TMTC1: variants seen among roughly 807,000 people sequenced by gnomAD.
TMTC1 encodes transmembrane O-mannosyltransferase targeting cadherins 1.
TMTC1 carries 73 observed loss-of-function variants against 104.8 expected under a neutral mutation model. The observed-to-expected ratio is 0.70, with a 90% CI of 0.58 to 0.85. The LOEUF (loss-of-function observed/expected upper bound fraction) is 0.85, where lower values mean the gene tolerates loss of function less well. Among genes scored for constraint, TMTC1 ranks in the 40% least tolerant of loss-of-function variants. The probability of loss-of-function intolerance (pLI) is 0.00; values close to 1 mark genes in which losing one functional copy is unlikely to be tolerated. For missense variants in TMTC1, 1,035 were observed against 1,096.1 expected (o/e 0.94, Z 0.79); for synonymous variants, 434 against 428.7 (o/e 1.01, Z -0.15).
chr12:29,598,056 A>G (rs1946460564), intron 7 of TMTC1, among the ~76,000 whole-genome samples: 1 of 152,228 alleles, frequency 6.6e-6, no homozygotes, highest in Non-Finnish European at 1.5e-5. Context: ...TTCTGGTTTT[A>G]CAAACAGAGA....
chr12:29,526,017 C>T (rs183429874), intron 11 of TMTC1, among the ~76,000 whole-genome samples: 51 of 152,232 alleles, frequency 3.4e-4, no homozygotes, highest in Non-Finnish European at 1.2e-4. Context: ...AGAAAATACG[C>T]ATTAAAAATG....
At chr12:29,548,254 A>G (rs1220526794) in intron 10 of TMTC1, among the ~76,000 whole-genome samples, 2 of 152,234 alleles carry the variant, frequency 1.3e-5, no homozygotes, top group Non-Finnish European at 2.9e-5. Context: ...ACTAATGGCT[A>G]AAACACAGCA....
chr12:29,784,364 G>A (rs1218704048), upstream of TMTC1: 1 of 152,262 alleles, frequency 6.6e-6, no homozygotes. Context: ...TTCAGCACCC[G>A]GGACAACAGC....
In TMTC1 at chr12:29,783,687, C is replaced by A. The variant is rs753673965; in HGVS notation, c.65G>T (p.Cys22Phe). ...GDRTPSRRRG[C>F]GLAPAGAAAL... ...CGCGGCCCCGGCCGGCGCTAGCCCG[C>A]AGCCCCGCCGCCGGGAGGGTGTGCG... is the stretch of plus-strand genomic sequence containing the variant. The change falls in exon 1 of 18, where the codon TGC (cysteine) becomes TTC (phenylalanine). Residue 22 changes from cysteine (C) to phenylalanine (F), a missense_variant. Physicochemically the swap from Cys to Phe is radical, Grantham distance 205. Transcript: ENST00000539277. This position sits in a 1 kb window ranked among gnomAD's most constrained non-coding sequence, Gnocchi z 4.7. 7.8e-7 allele frequency: 1 copy of A among 1,275,490 alleles called. No individual in the cohort carries two copies. The highest frequency in any genetic ancestry group is 2.9e-5 in the South Asian group (1 of 34,056). 79.0% of individuals were successfully genotyped at this position (1,275,490 alleles called of 1,614,324 possible). A position where few individuals can be genotyped will look rare whatever the true frequency, so the allele number is the denominator to read the frequency against.
intron 10 of TMTC1, among the ~76,000 whole-genome samples, chr12:29,554,927 T>C (rs1945198986): frequency 6.6e-6 from 1 of 152,146 alleles, no homozygotes; most frequent in Non-Finnish European, 1.5e-5. Context: ...TCCTCAGTCT[T>C]TCAGAGGCTC....
At chr12:29,603,069 T>C (rs1246995070) in intron 7 of TMTC1, among the ~76,000 whole-genome samples, 1 of 152,160 alleles carries the variant, frequency 6.6e-6, no homozygotes, top group Non-Finnish European at 1.5e-5. Context: ...ACGTAGAATA[T>C]AAAGAATTGT....
chr12:29,762,513 T>A (rs1943375414), intron 2 of TMTC1, among the ~76,000 whole-genome samples: 1 of 152,202 alleles, frequency 6.6e-6, no homozygotes, highest in African/African-American at 2.4e-5. Flanking sequence ...TATTAGATAA[T>A]CTAATGTATC....
At chr12:29,514,378 A>G (rs1943924099) in intron 16 of TMTC1, 104 bp downstream of exon 16, 2 of 1,237,508 alleles carry the variant, frequency 1.6e-6, no homozygotes, top group Non-Finnish European at 1.1e-6. Context: ...ATAAACATAC[A>G]TGCCAGTGAT....
At chr12:29,725,239 C>T (rs1315190465) in intron 5 of TMTC1, among the ~76,000 whole-genome samples, 1 of 151,584 alleles carries the variant, frequency 6.6e-6, no homozygotes, top group Non-Finnish European at 1.5e-5. Flanking sequence ...GTTGGCCAGG[C>T]TGGTCTCGAA....
At chr12:29,703,594 A>G (rs747000751) in intron 5 of TMTC1, among the ~76,000 whole-genome samples, 4 of 152,158 alleles carry the variant, frequency 2.6e-5, no homozygotes, top group Non-Finnish European at 5.9e-5. Flanking sequence ...GCCAAGACGC[A>G]TTTTTGCTAA....
At chr12:29,555,937 AC>A (rs11308747) in intron 10 of TMTC1, among the ~76,000 whole-genome samples, 81,192 of 152,046 alleles carry the variant, frequency 0.53, 24,801 homozygotes, top group Non-Finnish European at 0.67. Flanking sequence ...TTACACTCCC[AC>A]CAACAGCAAC....
intron 11 of TMTC1, among the ~76,000 whole-genome samples, chr12:29,526,297 C>T (rs989585807): frequency 1.3e-5 from 2 of 152,190 alleles, no homozygotes; most frequent in Non-Finnish European, 2.9e-5. Context: ...GCCATTTAGG[C>T]TCTCCATGAG....
intron 1 of TMTC1, among the ~76,000 whole-genome samples, chr12:29,776,725 TAAA>T (rs3042158): frequency 0.61 from 92,318 of 151,574 alleles, 28,511 homozygotes; most frequent in Admixed American, 0.72. Flanking sequence ...GAAATAAGGG[TAAA>T]AAAACACAGA....
intron 5 of TMTC1, chr12:29,660,043 G>A: frequency 2.3e-6 from 3 of 1,306,114 alleles, no homozygotes; most frequent in South Asian, 2.6e-5. Flanking sequence ...CTTTTTGCAG[G>A]TGCATTCTGT....
At chr12:29,546,467 T>A (rs1044427693) in intron 10 of TMTC1, among the ~76,000 whole-genome samples, 1 of 152,130 alleles carries the variant, frequency 6.6e-6, no homozygotes, top group Non-Finnish European at 1.5e-5. Context: ...CCTTATTTCA[T>A]GCTTCCTGGG....
At chr12:29,718,394 G>A (rs1047975675) in intron 5 of TMTC1, among the ~76,000 whole-genome samples, 5 of 152,134 alleles carry the variant, frequency 3.3e-5, no homozygotes, top group African/African-American at 2.4e-5. Context: ...TAACTGTAAA[G>A]CGAAGAGGAA....
rs544071473 is a variant in TMTC1 at position 29,573,782 on chromosome 12, C to T, written c.1419-1564G>A. On this transcript the variant is annotated intron_variant, in intron 8 of 17. Coordinates refer to ENST00000539277, the MANE Select transcript of TMTC1 (RefSeq NM_001193451.2). ...GTCGCTGGATCATGCTAAGTCTTAG[C>T]GTGGAGAGAGTCTAACGGGCCCTGT... is the stretch of plus-strand genomic sequence containing the variant. 5.9e-4 allele frequency among the ~76,000 whole-genome samples: 89 copies of T among 152,050 alleles called. 2 individuals are homozygous for T. The South Asian group carries it at 0.018, about 31-fold the overall frequency.
chr12:29,569,602 G>A (rs1325967238), intron 9 of TMTC1, among the ~76,000 whole-genome samples: 2 of 152,086 alleles, frequency 1.3e-5, no homozygotes, highest in Non-Finnish European at 2.9e-5. Flanking sequence ...CAGTTACCAA[G>A]GATAAATAAT....
chr12:29,643,631 T>TATATATAATATATATGTTATATTATATA (rs1939016208), intron 5 of TMTC1, among the ~76,000 whole-genome samples: 5 of 21,478 alleles, frequency 2.3e-4, no homozygotes, highest in Non-Finnish European at 3.1e-4. Flanking sequence ...CTATATATTA[T>TATATATAATATATATGTTATATTATATA]ATATATAATA....
Sources: gnomAD v4.1 joint callset for allele counts (sites outside exome capture counted in the v4.1 genomes callset) on GRCh38, gnomAD v4.1.1 for gene constraint, Gnocchi (gnomAD v3.1) non-coding constraint, MANE v1.5 for transcripts, NCBI Gene and HGNC (gene_info 2026-07-23, HGNC 2026-07-21) for gene names.